Variants in SNTG1 observed in about 807,000 individuals in gnomAD.
SNTG1 encodes the protein syntrophin gamma 1.
In SNTG1, 39 loss-of-function variants were observed where a neutral mutation model predicts 74.7. That is an observed-to-expected ratio of 0.52 (90% CI 0.40 to 0.68). SNTG1 has a LOEUF of 0.68. SNTG1 is among the 30% of genes least tolerant of loss of function. The probability of loss-of-function intolerance (pLI) is 0.00; values close to 1 mark genes in which losing one functional copy is unlikely to be tolerated. For missense variants in SNTG1, 685 were observed against 609.5 expected (o/e 1.12, Z -1.30); for synonymous variants, 254 against 217.1 (o/e 1.17, Z -1.49).
chr8:50,744,908 A>C (rs1467113053), intron 17 of SNTG1, among the ~76,000 whole-genome samples: 2 of 152,022 alleles, frequency 1.3e-5, no homozygotes, highest in African/African-American at 2.4e-5. Context: ...ACTCAAAATG[A>C]GTCAAAGACC....
chr8:50,747,325 G>A (rs906881384), intron 17 of SNTG1, among the ~76,000 whole-genome samples: 8 of 151,930 alleles, frequency 5.3e-5, no homozygotes, highest in South Asian at 2.1e-4. Flanking sequence ...TGAACTAGTA[G>A]AATTGTTCAG....
At chr8:49,988,913 A>G (rs908103494) in intron 1 of SNTG1, among the ~76,000 whole-genome samples, 1 of 152,006 alleles carries the variant, frequency 6.6e-6, no homozygotes, top group Admixed American at 6.5e-5. Flanking sequence ...GAAAAAATAT[A>G]GTAACAGTAA....
intron 18 of SNTG1, among the ~76,000 whole-genome samples, chr8:50,764,033 T>A (rs932983852): frequency 6.6e-6 from 1 of 151,452 alleles, no homozygotes; most frequent in Non-Finnish European, 1.5e-5. Flanking sequence ...TGTGTGATTA[T>A]GATCAATTGA....
chr8:50,756,116 T>C (rs979071185), intron 18 of SNTG1, among the ~76,000 whole-genome samples: 3 of 142,730 alleles, frequency 2.1e-5, no homozygotes, highest in Non-Finnish European at 4.6e-5. Flanking sequence ...TTTGATATCA[T>C]TGAGTTTTAA....
chr8:50,563,649 T>C (rs2094500282), intron 12 of SNTG1, among the ~76,000 whole-genome samples: 2 of 152,120 alleles, frequency 1.3e-5, no homozygotes, highest in Non-Finnish European at 2.9e-5. Flanking sequence ...AAATACAGTG[T>C]AGCAGAGCAA....
intron 17 of SNTG1, among the ~76,000 whole-genome samples, chr8:50,744,933 A>G (rs1250441938): frequency 6.6e-6 from 1 of 152,030 alleles, no homozygotes; most frequent in Non-Finnish European, 1.5e-5. Flanking sequence ...TGTAAGAGTT[A>G]AAATGATAAA....
intron 2 of SNTG1, among the ~76,000 whole-genome samples, chr8:50,308,410 C>A (rs1306545792): frequency 6.6e-6 from 1 of 152,000 alleles, no homozygotes; most frequent in African/African-American, 2.4e-5. Context: ...CTTGTATTTT[C>A]TTCTTGACCA....
intron 12 of SNTG1, among the ~76,000 whole-genome samples, chr8:50,570,290 G>T (rs887139878): frequency 1.1e-4 from 2 of 18,076 alleles, no homozygotes; most frequent in South Asian, 1.8e-3. Flanking sequence ...ATGGAGTCTC[G>T]CTCTGTCACC....
At chr8:50,696,810 T>A (rs1015653969) in intron 15 of SNTG1, among the ~76,000 whole-genome samples, 2 of 152,148 alleles carry the variant, frequency 1.3e-5, no homozygotes, top group Non-Finnish European at 2.9e-5. Flanking sequence ...TATTTGTCTG[T>A]TTTTATGCCA....
chr8:50,454,829 TA>T (rs1158732952), intron 8 of SNTG1, among the ~76,000 whole-genome samples: 1,531 of 95,078 alleles, frequency 0.016, 36 homozygotes, highest in Admixed American at 0.094. Flanking sequence ...CAGACAGAGC[TA>T]AAAAAAAAAA....
chr8:50,390,180 T>C (rs1242446241), intron 2 of SNTG1, among the ~76,000 whole-genome samples: 3 of 152,048 alleles, frequency 2.0e-5, no homozygotes, highest in Non-Finnish European at 4.4e-5. Context: ...CTGAATGGTA[T>C]TGCCTAGGTT....
At chr8:50,506,704 G>T (rs1417763975) in intron 9 of SNTG1, among the ~76,000 whole-genome samples, 3 of 151,962 alleles carry the variant, frequency 2.0e-5, no homozygotes, top group Non-Finnish European at 4.4e-5. Flanking sequence ...TAACATTTTT[G>T]TGTGTGTGTT....
At chr8:50,351,584 G>A (rs2923060) in intron 2 of SNTG1, among the ~76,000 whole-genome samples, 144,525 of 152,308 alleles carry the variant, frequency 0.95, 69,039 homozygotes, top group East Asian at 1. Context: ...GCTACTACAT[G>A]GAAATATCAC....
At chr8:50,691,346 A>T (rs1053571163) in intron 15 of SNTG1, among the ~76,000 whole-genome samples, 5 of 152,108 alleles carry the variant, frequency 3.3e-5, no homozygotes, top group African/African-American at 1.2e-4. Context: ...CCTAGCCTTG[A>T]TGGTCTTTAC....
intron 2 of SNTG1, among the ~76,000 whole-genome samples, chr8:50,344,775 A>C (rs981861384): frequency 6.6e-6 from 1 of 152,182 alleles, no homozygotes; most frequent in Admixed American, 6.5e-5. Context: ...GAAAGAAGCT[A>C]TGAGCTGAAT....
At chr8:49,955,913 C>T (rs1332628079) in intron 1 of SNTG1, among the ~76,000 whole-genome samples, 2 of 152,168 alleles carry the variant, frequency 1.3e-5, no homozygotes, top group Non-Finnish European at 2.9e-5. Context: ...CTTCTGAGCC[C>T]TTGGCAAAAT....
intron 1 of SNTG1, among the ~76,000 whole-genome samples, chr8:49,948,718 T>G (rs1455540448): frequency 6.6e-6 from 1 of 152,210 alleles, no homozygotes; most frequent in Admixed American, 6.5e-5. Flanking sequence ...GGCTCATTCA[T>G]GATTGATGCC....
chr8:50,122,834 TGAGCTCTCACAGGAA>T lies in SNTG1; in HGVS notation c.-102-49724_-102-49710del, dbSNP rs891061718. 1.4e-4 allele frequency among the ~76,000 whole-genome samples: 20 copies of T among 142,392 alleles called. 3 individuals are homozygous for T. Among genetic ancestry groups the T allele is most frequent in the African/African-American group, 4.8e-4 (19 of 39,342 alleles). 93.4% of individuals were successfully genotyped at this position (142,392 alleles called of 152,430 possible). ...TCTCCTCATAGAAAACCAAATTGTA[TGAGCTCTCACAGGAA>T]GAATGCACCAAACCAATAGAGAGAA... On this transcript the variant is annotated intron_variant, in intron 1 of 18. Coordinates refer to ENST00000642720, the MANE Select transcript of SNTG1 (RefSeq NM_018967.5).
intron 1 of SNTG1, among the ~76,000 whole-genome samples, chr8:50,113,301 G>A (rs1310014513): frequency 6.6e-6 from 1 of 152,124 alleles, no homozygotes; most frequent in African/African-American, 2.4e-5. Flanking sequence ...AGTTCTCCTT[G>A]AAGAGGTCCT....
Sources: gnomAD v4.1 joint callset for allele counts (sites outside exome capture counted in the v4.1 genomes callset) on GRCh38, gnomAD v4.1.1 for gene constraint, MANE v1.5 for transcripts, NCBI Gene and HGNC (gene_info 2026-07-23, HGNC 2026-07-21) for gene names.